Variants in UBR7 observed in about 807,000 individuals in gnomAD.
The protein encoded by UBR7 is putative E3 ubiquitin-protein ligase UBR7.
A neutral mutation model predicts 57.0 loss-of-function variants in UBR7; 22 were observed. The ratio of observed to expected loss-of-function variants is 0.39; its 90% CI spans 0.28 to 0.55. The LOEUF (loss-of-function observed/expected upper bound fraction) is 0.55, where lower values mean the gene tolerates loss of function less well. UBR7 is among the 20% of genes least tolerant of loss of function. The probability of loss-of-function intolerance (pLI) is 0.69; values close to 1 mark genes in which losing one functional copy is unlikely to be tolerated. For missense variants in UBR7, 395 were observed against 513.2 expected, an observed-to-expected ratio of 0.77 and a Z score of 2.23; for synonymous variants, 167 against 179.8, an observed-to-expected ratio of 0.93 and a Z score of 0.57.
chr14:93,219,166 C>G, intron 7 of UBR7, 46 bp from the exon 8 acceptor site: 1 of 1,596,524 alleles, frequency 6.3e-7, no homozygotes, highest in East Asian at 2.2e-5. Context: ...ACTATGAAAA[C>G]TATGGTAGTT....
Position 93,228,307 on chromosome 14 carries a change from T to C in UBR7, c.*1272T>C. The C allele has an allele frequency of 2.2e-6, 1 of 456,416 alleles. No homozygotes were observed. The highest frequency in any genetic ancestry group is 4.4e-6 in the Non-Finnish European group (1 of 228,128). The allele number at this position is 456,416 out of a possible 1,614,324, so 28.3% of individuals were successfully genotyped here. The stretch of plus-strand genomic sequence containing the variant: ...AGTCTATGTAGGAAATGCCTTGTGA[T>C]ACATAGAGAACCCTCAGCTTCTCTC... On this transcript the variant is annotated 3_prime_UTR_variant, in exon 11 of 11. Transcript: ENST00000013070.
At chr14:93,207,662 G>T (rs1468365379) in intron 1 of UBR7, among the ~76,000 whole-genome samples, 1 of 152,024 alleles carries the variant, frequency 6.6e-6, no homozygotes, top group Non-Finnish European at 1.5e-5. Flanking sequence ...CCTCTCCCCT[G>T]TCTCCAACTC....
intron 10 of UBR7, 103 bp from the exon 11 acceptor site, chr14:93,226,840 A>G (rs1894863899): frequency 2.7e-6 from 2 of 750,900 alleles, no homozygotes; most frequent in Admixed American, 2.2e-5. Context: ...TATCATTAAC[A>G]TAATTCTTAA....
At chr14:93,211,269 G>A (rs1257232358) in intron 3 of UBR7, among the ~76,000 whole-genome samples, 1 of 151,124 alleles carries the variant, frequency 6.6e-6, no homozygotes, top group Non-Finnish European at 1.5e-5. Context: ...TAAATAGGCC[G>A]GGCACGGTGG....
intron 8 of UBR7, 111 bp downstream of exon 8, chr14:93,219,472 A>C: frequency 7.2e-7 from 1 of 1,380,022 alleles, no homozygotes; most frequent in Non-Finnish European, 1.0e-6. Context: ...AAAGGAAAAT[A>C]AAAAGAACAC....
chr14:93,209,724 C>A lies in UBR7; in HGVS notation c.151-100C>A, dbSNP rs1894439839. 2.1e-6 allele frequency: 3 copies of A among 1,432,688 alleles called. No homozygotes were observed. The East Asian group carries it at 7.4e-5, about 36-fold the overall frequency. 88.7% of individuals were successfully genotyped at this position (1,432,688 alleles called of 1,614,324 possible). A position where few individuals can be genotyped will look rare whatever the true frequency, so the allele number is the denominator to read the frequency against. On this transcript the variant is annotated intron_variant, in intron 1 of 10. Coordinates refer to ENST00000013070, the MANE Select transcript of UBR7 (RefSeq NM_175748.4). ...ATGGTTTTTACAGAAAGATCTTGAC[C>A]ACAGATAATCTGATTTTAATTATTT...
At chr14:93,212,602 C>T (rs1894507907) in intron 4 of UBR7, among the ~76,000 whole-genome samples, 1 of 152,160 alleles carries the variant, frequency 6.6e-6, no homozygotes, top group Non-Finnish European at 1.5e-5. Flanking sequence ...TATTTTTAGT[C>T]CTTTTTCTGT....
intron 1 of UBR7, among the ~76,000 whole-genome samples, chr14:93,208,347 C>T (rs1378716943): frequency 6.6e-6 from 1 of 151,732 alleles, no homozygotes; most frequent in African/African-American, 2.4e-5. Flanking sequence ...TCGTTGTTGA[C>T]CAAGGTTAGT....
intron 10 of UBR7, chr14:93,223,551 G>T (rs1894758575): frequency 1.4e-6 from 1 of 691,940 alleles, no homozygotes; most frequent in East Asian, 2.7e-5. Flanking sequence ...TGGGGTGGGG[G>T]GCGTTCCTGA....
chr14:93,222,468 G>A, intron 10 of UBR7, 94 bp downstream of exon 10: 1 of 981,280 alleles, frequency 1.0e-6, no homozygotes, highest in Non-Finnish European at 1.6e-6. Flanking sequence ...CGACTGGCGG[G>A]GTGCGGTGGC....
At chr14:93,214,185 C>A (rs1252260574) in intron 4 of UBR7, among the ~76,000 whole-genome samples, 1 of 152,206 alleles carries the variant, frequency 6.6e-6, no homozygotes, top group Non-Finnish European at 1.5e-5. Context: ...CCTTGGCCTT[C>A]CAAAGTGCTG....
chr14:93,216,176 A>G (rs556752777), intron 6 of UBR7, among the ~76,000 whole-genome samples: 1 of 152,278 alleles, frequency 6.6e-6, no homozygotes, highest in East Asian at 1.9e-4. Flanking sequence ...TGCCTTTATA[A>G]AAGTGGACTA....
intron 10 of UBR7, among the ~76,000 whole-genome samples, chr14:93,225,025 G>GGAT (rs1894818803): frequency 5.9e-5 from 9 of 152,160 alleles, no homozygotes; most frequent in Non-Finnish European, 1.2e-4. Context: ...GGTCTTCACA[G>GGAT]GTATCTTCAA....
chr14:93,207,379 C>A lies in UBR7; in HGVS notation c.88C>A (p.Leu30Met). 1 of 1,556,846 alleles carries A rather than the reference C, an allele frequency of 6.4e-7. No individual in the cohort carries two copies. Among genetic ancestry groups the A allele is most frequent in the Non-Finnish European group, 8.7e-7 (1 of 1,151,010 alleles). Reference protein sequence around the residue: ...LVDVLEEDEELENEACAVLGG... With the variant: ...LVDVLEEDEEMENEACAVLGG... Reference sequence around the variant, plus strand: ...CGACGTCCTTGAGGAGGACGAGGAGCTGGAGAATGAGGCGTGCGCTGTCCT... The same window carrying A: ...CGACGTCCTTGAGGAGGACGAGGAGATGGAGAATGAGGCGTGCGCTGTCCT... Residue 30 changes from leucine to methionine, a missense_variant, in exon 1 of 11, where the codon CTG becomes ATG. Leu to Met is a conservative substitution (Grantham distance 15). Coordinates refer to ENST00000013070, the MANE Select transcript of UBR7 (RefSeq NM_175748.4).
At chr14:93,223,461 G>A in intron 10 of UBR7, 2 of 540,606 alleles carry the variant, frequency 3.7e-6, no homozygotes, top group Non-Finnish European at 3.3e-6. Flanking sequence ...TACTTGGGAG[G>A]CTGGCTTGAG....
intron 7 of UBR7, 61 bp downstream of exon 7, chr14:93,218,796 C>T (rs1894646496): frequency 6.4e-7 from 1 of 1,551,238 alleles, no homozygotes; most frequent in South Asian, 1.2e-5. Flanking sequence ...TGGCTCATGC[C>T]CATAATCCCA....
In UBR7 at chr14:93,220,285, G is replaced by C. The variant is rs1176118862; in HGVS notation, c.997G>C (p.Asp333His). ...AGATCTAGATGTCTTATTCCTGACA[G>C]ATGAATACGACACAGTTCTGGCTTA... ...YGDLDVLFLT[D>H]EYDTVLAYEN... Residue 333 changes from aspartate (D) to histidine (H), a missense_variant, in exon 9 of 11, where the codon GAT (aspartate) becomes CAT (histidine). By Grantham distance (81) the Asp-to-His change is moderately conservative (BLOSUM62 -1). Coordinates refer to ENST00000013070, the MANE Select transcript of UBR7 (RefSeq NM_175748.4). 2 of 1,600,950 alleles carry C rather than the reference G, an allele frequency of 1.2e-6. No individual in the cohort carries two copies. Among genetic ancestry groups the C allele is most frequent in the Non-Finnish European group, 1.7e-6 (2 of 1,177,258 alleles).
At chr14:93,222,583 A>G (rs955562329) in intron 10 of UBR7, among the ~76,000 whole-genome samples, 4 of 152,024 alleles carry the variant, frequency 2.6e-5, no homozygotes, top group Non-Finnish European at 5.9e-5. Flanking sequence ...TCTCTACTAA[A>G]AATACGAAAA....
At chr14:93,221,827 TA>T (rs1353591635) in intron 9 of UBR7, among the ~76,000 whole-genome samples, 8 of 151,842 alleles carry the variant, frequency 5.3e-5, no homozygotes, top group Middle Eastern at 3.4e-3. Flanking sequence ...ACTAAAAATA[TA>T]AAAAAGTAGC....
Sources: allele counts gnomAD v4.1 joint callset (sites outside exome capture counted in the v4.1 genomes callset), GRCh38; gene constraint gnomAD v4.1.1; transcripts MANE v1.5; gene names NCBI Gene and HGNC (gene_info 2026-07-23, HGNC 2026-07-21).